The following NEIL3 variants were observed in gnomAD, a reference collection of about 807,000 sequenced individuals.
The protein encoded by NEIL3 is endonuclease 8-like 3.
In NEIL3, 48 loss-of-function variants were observed where a neutral mutation model predicts 57.5. The ratio of observed to expected loss-of-function variants is 0.83; its 90% confidence interval spans 0.66 to 1.06. NEIL3 has a LOEUF of 1.06. Among genes scored for constraint, NEIL3 ranks in the 50% least tolerant of loss-of-function variants. NEIL3 has a pLI of 0.00. For synonymous variants in NEIL3, 261 were observed against 253.2 expected (o/e 1.03, Z -0.29); for missense variants, 717 against 739.1 (o/e 0.97, Z 0.35).
At chr4:177,317,395 T>G (rs1259568305) in intron 1 of NEIL3, among the ~76,000 whole-genome samples, 1 of 152,142 alleles carries the variant, frequency 6.6e-6, no homozygotes, top group Non-Finnish European at 1.5e-5. Context: ...AGATATATAA[T>G]GGTCTCATGC....
At chr4:177,333,753 G>A (rs891843256) in intron 2 of NEIL3, among the ~76,000 whole-genome samples, 14 of 152,114 alleles carry the variant, frequency 9.2e-5, no homozygotes, top group African/African-American at 3.4e-4. Flanking sequence ...AATGCTAGCA[G>A]GATCTCCTTG....
At chr4:177,323,697 G>A (rs1382440251) in intron 2 of NEIL3, among the ~76,000 whole-genome samples, 2 of 152,168 alleles carry the variant, frequency 1.3e-5, no homozygotes, top group African/African-American at 4.8e-5. Flanking sequence ...TCTGGATAGA[G>A]TAGTACACAA....
chr4:177,332,999 T>C (rs1481971646), intron 2 of NEIL3, among the ~76,000 whole-genome samples: 1 of 152,170 alleles, frequency 6.6e-6, no homozygotes, highest in Non-Finnish European at 1.5e-5. Flanking sequence ...TTCAGCCTTC[T>C]GCATCCTAAG....
intron 1 of NEIL3, among the ~76,000 whole-genome samples, chr4:177,312,776 A>G (rs532292774): frequency 7.3e-4 from 111 of 152,308 alleles, no homozygotes; most frequent in Middle Eastern, 3.4e-3. Context: ...ACTGGATTTT[A>G]AAATCAATAT....
intron 1 of NEIL3, 131 bp downstream of exon 1, chr4:177,310,240 G>A: frequency 9.5e-7 from 1 of 1,052,502 alleles, no homozygotes; most frequent in Non-Finnish European, 1.3e-6. Context: ...ACCTTTCACA[G>A]AGTTTATCGT....
intron 1 of NEIL3, among the ~76,000 whole-genome samples, chr4:177,315,939 C>T (rs1342339358): frequency 6.6e-6 from 1 of 152,112 alleles, no homozygotes; most frequent in Non-Finnish European, 1.5e-5. Context: ...CATTTCAAAA[C>T]CAAAATTAAG....
intron 5 of NEIL3, 60 bp from the exon 6 acceptor site, chr4:177,341,416 T>A: frequency 7.1e-7 from 1 of 1,410,878 alleles, no homozygotes; most frequent in African/African-American, 1.5e-5. Context: ...AATGTGTCTT[T>A]GGCTCCTTGG....
chr4:177,337,109 G>A (rs1184100364), intron 4 of NEIL3, among the ~76,000 whole-genome samples: 2 of 151,894 alleles, frequency 1.3e-5, no homozygotes, highest in Admixed American at 6.6e-5. Flanking sequence ...AAAAAAAGTG[G>A]TTAAAGGGCA....
chr4:177,309,881 G>A lies in NEIL3; in HGVS notation c.-73G>A. On this transcript the variant is annotated 5_prime_UTR_variant, in exon 1 of 10. Coordinates refer to ENST00000264596, the MANE Select transcript of NEIL3 (RefSeq NM_018248.3). ...TTTCCTCTGCGTGCGGTCAGTGCCC[G>A]CGCAGCGTTGAGTTGCACAGCGGTA... 1 of 1,532,162 alleles carries A rather than the reference G, an allele frequency of 6.5e-7. No homozygotes were observed. Among genetic ancestry groups the A allele is most frequent in the East Asian group, 2.5e-5 (1 of 39,500 alleles). 94.9% of individuals were successfully genotyped at this position (1,532,162 alleles called of 1,614,324 possible).
At chr4:177,354,533 G>A (rs990917849) in intron 8 of NEIL3, among the ~76,000 whole-genome samples, 25 of 152,114 alleles carry the variant, frequency 1.6e-4, no homozygotes, top group Non-Finnish European at 1.5e-4. Context: ...ACAGTCATGC[G>A]AGATGGTGTT....
At chr4:177,311,983 C>T (rs1052585030) in intron 1 of NEIL3, among the ~76,000 whole-genome samples, 3 of 152,124 alleles carry the variant, frequency 2.0e-5, no homozygotes, top group Non-Finnish European at 2.9e-5. Flanking sequence ...CCTGCGGATA[C>T]GAAGATGAGT....
Position 177,360,642 on chromosome 4 carries a change from C to T in NEIL3, c.1600C>T (p.Pro534Ser). The change falls in exon 9 of 10, where the codon CCT becomes TCT. Residue 534 changes from proline to serine, a missense_variant. By Grantham distance (74) the Pro-to-Ser change is moderately conservative. Transcript: ENST00000264596. The part of the protein sequence containing the change: ...ENKGRQFYAC[P>S]LPREAQCGFF... The stretch of plus-strand genomic sequence containing the variant: ...CAAGGGCAGGCAGTTTTATGCCTGT[C>T]CTCTACCTAGAGAAGCACAATGTGG... 1.2e-6 allele frequency: 2 copies of T among 1,613,292 alleles called. No homozygotes were observed. Among genetic ancestry groups the T allele is most frequent in the African/African-American group, 2.7e-5 (2 of 75,034 alleles).
In NEIL3 at chr4:177,329,772, T is replaced by C. The variant is rs77713102; in HGVS notation, c.279-5916T>C. ...CAACAACACATGCTTTTCAAGTGCATGTGGAACACTTAGCAAGATTGACCA... is the reference window on the plus strand; with the variant it reads ...CAACAACACATGCTTTTCAAGTGCACGTGGAACACTTAGCAAGATTGACCA... On this transcript the variant is annotated intron_variant, in intron 2 of 9. Coordinates refer to ENST00000264596, the MANE Select transcript of NEIL3 (RefSeq NM_018248.3). 8.7e-3 allele frequency among the ~76,000 whole-genome samples: 1,331 copies of C among 152,300 alleles called. 18 individuals carry two copies. Among genetic ancestry groups the C allele is most frequent in the African/African-American group, 0.03 (1,263 of 41,562 alleles).
chr4:177,352,108 C>T (rs1469600841), intron 7 of NEIL3, among the ~76,000 whole-genome samples: 1 of 152,234 alleles, frequency 6.6e-6, no homozygotes, highest in East Asian at 1.9e-4. Context: ...CAGAGGAAAC[C>T]TGTGATTAAG....
At chr4:177,325,275 A>G (rs35918515) in intron 2 of NEIL3, among the ~76,000 whole-genome samples, 32,241 of 152,016 alleles carry the variant, frequency 0.21, 3,715 homozygotes, top group Non-Finnish European at 0.27. Context: ...TACAGCTTCA[A>G]CATAGTTTCT....
chr4:177,341,751 G>C (rs1735097175), intron 6 of NEIL3, 109 bp downstream of exon 6: 1 of 937,546 alleles, frequency 1.1e-6, no homozygotes, highest in East Asian at 2.8e-5. Flanking sequence ...AAGAGAACGT[G>C]ACTCAAAAGT....
intron 1 of NEIL3, among the ~76,000 whole-genome samples, chr4:177,315,871 G>T (rs778431404): frequency 2.0e-5 from 3 of 152,066 alleles, no homozygotes. Flanking sequence ...CCAGGAATCC[G>T]CTGACTTGGG....
Position 177,309,876 on chromosome 4 carries a change from T to C in NEIL3, c.-78T>C. The C allele has an allele frequency of 6.6e-7, 1 of 1,525,418 alleles. No homozygotes were observed. The highest frequency in any genetic ancestry group is 8.8e-7 in the Non-Finnish European group (1 of 1,136,064). The allele number at this position is 1,525,418 out of a possible 1,614,324, so 94.5% of individuals were successfully genotyped here. A position where few individuals can be genotyped will look rare whatever the true frequency, so the allele number is the denominator to read the frequency against. On this transcript the variant is annotated 5_prime_UTR_variant, in exon 1 of 10. Transcript: ENST00000264596. ...TTGAATTTCCTCTGCGTGCGGTCAG[T>C]GCCCGCGCAGCGTTGAGTTGCACAG...
Position 177,353,345 on chromosome 4 carries a change from T to C in NEIL3, c.1077T>C (p.Phe359=), listed in dbSNP as rs1402188555. The stretch of plus-strand genomic sequence containing the variant: ...AGAGTGAAGAAAATTCTACTGTCTT[T>C]AGCCACTTAATGAAGTACCCGTGTA... ...VLKSEENSTV[F]SHLMKYPCNT... is the part of the protein sequence containing the mutation. The change falls in exon 8 of 10, where the codon TTT becomes TTC. Residue 359 remains phenylalanine, a synonymous_variant. Transcript: ENST00000264596. 1 of 1,613,756 alleles carries C rather than the reference T, an allele frequency of 6.2e-7. No homozygotes were observed. The highest frequency in any genetic ancestry group is 8.5e-7 in the Non-Finnish European group (1 of 1,179,888).
Sources: gnomAD v4.1 joint callset for allele counts (sites outside exome capture counted in the v4.1 genomes callset) on GRCh38, gnomAD v4.1.1 for gene constraint, MANE v1.5 for transcripts, NCBI Gene and HGNC (gene_info 2026-07-23, HGNC 2026-07-21) for gene names.